Variants in PLXND1 observed in about 807,000 individuals in gnomAD.
PLXND1 encodes the protein plexin-D1.
Under a neutral mutation model 197.7 loss-of-function variants are expected in PLXND1, and 54 were observed. The observed-to-expected ratio is 0.27, with a 90% confidence interval of 0.22 to 0.34. PLXND1 has a LOEUF of 0.34. Among genes scored for constraint, PLXND1 ranks in the 10% least tolerant of loss-of-function variants. PLXND1 has a pLI of 1.00. For missense variants in PLXND1, 2,127 were observed against 2,699.2 expected, an observed-to-expected ratio of 0.79 and a Z score of 4.70; for synonymous variants, 1,180 against 1,161.2, an observed-to-expected ratio of 1.02 and a Z score of -0.33.
chr3:129,555,775 G>C lies in PLXND1; in HGVS notation c.*537C>G, dbSNP rs1198015425. The stretch of plus-strand genomic sequence containing the variant: ...ACAGCCGCCCAAGCAACAAAAATCT[G>C]ACACTACTTGAAACTGTCTGTGGCC... On this transcript the variant is annotated 3_prime_UTR_variant, in exon 36 of 36. Transcript: ENST00000324093. 2.1e-6 allele frequency: 1 copy of C among 470,620 alleles called. No homozygotes were observed. The highest frequency in any genetic ancestry group is 3.8e-5 in the East Asian group (1 of 26,106). 29.2% of individuals were successfully genotyped at this position (470,620 alleles called of 1,614,324 possible). A position where few individuals can be genotyped will look rare whatever the true frequency, so the allele number is the denominator to read the frequency against.
chr3:129,601,293 G>C (rs1872119), intron 1 of PLXND1, among the ~76,000 whole-genome samples: 134,496 of 152,162 alleles, frequency 0.88, 59,635 homozygotes, highest in Non-Finnish European at 0.91. Context: ...CTCTGCCTCT[G>C]GCCTCACACT....
chr3:129,566,964 C>T (rs1309611790), intron 22 of PLXND1, among the ~76,000 whole-genome samples: 1 of 152,182 alleles, frequency 6.6e-6, no homozygotes, highest in Non-Finnish European at 1.5e-5. Context: ...TGTAGTCAAA[C>T]ATGGGCTTGC....
In PLXND1 at chr3:129,561,754, TGGGGGCATGAGGGTGGGGAAATGGGGGC is replaced by T; in HGVS notation, c.4929+18_4929+45del. 1.9e-6 allele frequency: 1 copy of T among 535,890 alleles called. No homozygotes were observed. The highest frequency in any genetic ancestry group is 5.7e-5 in the African/African-American group (1 of 17,614). The allele number at this position is 535,890 out of a possible 1,614,324, so 33.2% of individuals were successfully genotyped here. On this transcript the variant is annotated intron_variant, in intron 28 of 35. Coordinates refer to ENST00000324093, the MANE Select transcript of PLXND1 (RefSeq NM_015103.3). ...CGAGGTCAGAGGCCGGAGGTTGGGG[TGGGGGCATGAGGGTGGGGAAATGGGGGC>T]GGGGGGCAGGGCTGCACCTTGTAAT...
rs561651742 is a variant in PLXND1 at position 129,562,411 on chromosome 3, G to T, written c.4825+376C>A. 5 of 235,988 alleles carry T rather than the reference G, an allele frequency of 2.1e-5. No homozygotes were observed. The South Asian group carries it at 2.3e-4, about 11-fold the overall frequency. 14.6% of individuals were successfully genotyped at this position (235,988 alleles called of 1,614,324 possible). A position where few individuals can be genotyped will look rare whatever the true frequency, so the allele number is the denominator to read the frequency against. On this transcript the variant is annotated intron_variant, in intron 27 of 35. Transcript: ENST00000324093. ...TGTAGTCCCAGCTACTCAGGAGGCT[G>T]AAATGAGGGGATCACTTGAGCCCAG...
rs200890421 is a variant in PLXND1, at chr3:129,571,134, C to T, written c.3506G>A (p.Arg1169His). ...CTGTGGGTTGGGGAGGTAGTCCAGG[C>T]GGAACCTGCTGCCCCGCTGTGCCTC... ...PEEAQRGSRF[R>H]LDYLPNPQFS... Residue 1169 changes from arginine (R) to histidine (H), a missense_variant, in exon 18 of 36, where the codon CGC becomes CAC. Arg to His is a conservative substitution (Grantham distance 29). Transcript: ENST00000324093. 58 of 1,614,188 alleles carry T rather than the reference C, an allele frequency of 3.6e-5. No homozygotes were observed. Among genetic ancestry groups the T allele is most frequent in the African/African-American group, 5.3e-5 (4 of 75,044 alleles).
chr3:129,574,585 G>A, intron 11 of PLXND1, 95 bp from the exon 12 acceptor site: 1 of 1,283,234 alleles, frequency 7.8e-7, no homozygotes, highest in Non-Finnish European at 1.1e-6. Flanking sequence ...CAAGAGGTCT[G>A]CGCCCCATCA....
At chr3:129,587,938 C>T (rs1414327502) in intron 2 of PLXND1, among the ~76,000 whole-genome samples, 6 of 150,460 alleles carry the variant, frequency 4.0e-5, no homozygotes, top group Non-Finnish European at 8.9e-5. Flanking sequence ...GGCCTCTTGG[C>T]GGAGCCTTGC....
rs2085013517 is a variant in PLXND1 at position 129,558,775 on chromosome 3, TG to T, written c.5298-201del. The stretch of plus-strand genomic sequence containing the variant: ...TGGGGCTGAGAGCCCGGTTTCCTGC[TG>T]GAGCAAGGCAGGAGCTACAGGGCTT... On this transcript the variant is annotated intron_variant, in intron 32 of 35. Coordinates refer to ENST00000324093, the MANE Select transcript of PLXND1 (RefSeq NM_015103.3). This position sits in a 1 kb window ranked among gnomAD's most constrained non-coding sequence, Gnocchi z 4.1. 1.7e-6 allele frequency: 1 copy of T among 573,274 alleles called. No homozygotes were observed. The highest frequency in any genetic ancestry group is 1.9e-5 in the African/African-American group (1 of 53,250). 35.5% of individuals were successfully genotyped at this position (573,274 alleles called of 1,614,324 possible).
Position 129,558,405 on chromosome 3 carries a change from GC to G in PLXND1, c.5445+22del. 6.2e-7 allele frequency: 1 copy of G among 1,610,264 alleles called. No homozygotes were observed. The highest frequency in any genetic ancestry group is 1.1e-5 in the South Asian group (1 of 90,982). On this transcript the variant is annotated intron_variant, in intron 33 of 35. Transcript: ENST00000324093. The surrounding 1 kb of genome is among the most constrained non-coding windows in gnomAD (Gnocchi z 4.1). ...CACTCTGGCCCTGTGCATGGGCCTGGCCTGGTCCTGGGAACAGCTGACCTTG... is the reference window on the plus strand; with the variant it reads ...CACTCTGGCCCTGTGCATGGGCCTGGCTGGTCCTGGGAACAGCTGACCTTG...
At position 129,605,796 on chromosome 3, in the gene PLXND1, C is replaced by A. The variant is rs760200531; in HGVS notation, c.844G>T (p.Ala282Ser). Residue 282 changes from alanine (A) to serine (S), a missense_variant, in exon 1 of 36, where the codon GCC becomes TCC. Ala to Ser is a moderately conservative substitution (Grantham distance 99). Around this residue, in one of 6 missense-constraint regions of PLXND1, gnomAD observed 1,095 missense variants for 1,259.8 expected, o/e 0.87. Coordinates refer to ENST00000324093, the MANE Select transcript of PLXND1 (RefSeq NM_015103.3). ...GGCGGGTCGGACGGGTGCAGGAAGG[C>A]GCTCACGAAGCCCAGCTTGTGCTGC... ...KEQHKLGFVS[A>S]FLHPSDPPPG... 1 of 1,597,380 alleles carries A rather than the reference C, an allele frequency of 6.3e-7. No individual in the cohort carries two copies. Among genetic ancestry groups the A allele is most frequent in the Non-Finnish European group, 8.5e-7 (1 of 1,172,826 alleles).
chr3:129,586,749 G>A, intron 2 of PLXND1, 30 bp from the exon 3 acceptor site: 2 of 1,593,016 alleles, frequency 1.3e-6, no homozygotes, highest in Non-Finnish European at 1.7e-6. Flanking sequence ...CAGGGTGCTG[G>A]AGCCCATAGC....
At position 129,555,333 on chromosome 3, in the gene PLXND1, C is replaced by T; in HGVS notation, c.*979G>A. 1.7e-6 allele frequency: 1 copy of T among 582,996 alleles called. No homozygotes were observed. Among genetic ancestry groups the T allele is most frequent in the Non-Finnish European group, 3.0e-6 (1 of 333,732 alleles). The allele number at this position is 582,996 out of a possible 1,614,324, so 36.1% of individuals were successfully genotyped here. ...GGCTGAGTTGGCTGCGAGGGGCCCG[C>T]ATGGCCCATCGGCCACAGAGGGTCG... is the stretch of plus-strand genomic sequence containing the variant. On this transcript the variant is annotated 3_prime_UTR_variant, in exon 36 of 36. Transcript: ENST00000324093.
At chr3:129,589,310 T>TGGGGGCCCCCCCCCCCC in intron 2 of PLXND1, 41 bp downstream of exon 2, 1 of 501,294 alleles carries the variant, frequency 2.0e-6, no homozygotes, top group Non-Finnish European at 3.8e-6. Context: ...CAGGGGAGCC[T>TGGGGGCCCCCCCCCCCC]CCCACCCCCA....
intron 8 of PLXND1, among the ~76,000 whole-genome samples, chr3:129,582,259 C>T (rs940368684): frequency 2.0e-5 from 3 of 152,290 alleles, no homozygotes; most frequent in Non-Finnish European, 2.9e-5. Context: ...TCCTTAGCAA[C>T]TGCCGGGGTA....
chr3:129,581,208 C>T (rs973597682), intron 8 of PLXND1, among the ~76,000 whole-genome samples: 6 of 152,224 alleles, frequency 3.9e-5, no homozygotes, highest in Admixed American at 1.3e-4. Flanking sequence ...GGCACCACTA[C>T]GACTAACTGG....
intron 32 of PLXND1, chr3:129,559,157 T>C (rs1578302498): frequency 6.4e-6 from 1 of 156,608 alleles, no homozygotes; most frequent in East Asian, 1.9e-4. Context: ...AGCAACTTCT[T>C]GTGGGGGTGC....
chr3:129,559,524 C>T, intron 32 of PLXND1, 96 bp downstream of exon 32: 1 of 971,168 alleles, frequency 1.0e-6, no homozygotes, highest in Non-Finnish European at 1.5e-6. Flanking sequence ...GAGGGCTTGA[C>T]CCCAAGCAGG....
chr3:129,597,884 T>C (rs1259738749), intron 1 of PLXND1, among the ~76,000 whole-genome samples: 1 of 152,212 alleles, frequency 6.6e-6, no homozygotes, highest in East Asian at 1.9e-4. Context: ...CTGGTTTCCA[T>C]GGCAATCCCC....
chr3:129,569,832 G>A lies in PLXND1; in HGVS notation c.3865+11C>T, dbSNP rs768817414. ...TGCCCTCCAAGGTGTCCTGAGGGTG[G>A]GGCTCCTTACCCACCACGGAGAGCA... On this transcript the variant is annotated intron_variant, in intron 20 of 35. Coordinates refer to ENST00000324093, the MANE Select transcript of PLXND1 (RefSeq NM_015103.3). The A allele has an allele frequency of 5.9e-6, 9 of 1,513,110 alleles. No homozygotes were observed. In the Admixed American group the frequency reaches 1.5e-4, roughly 25 times the overall value. 93.7% of individuals were successfully genotyped at this position (1,513,110 alleles called of 1,614,324 possible).
Sources: allele counts gnomAD v4.1 joint callset (sites outside exome capture counted in the v4.1 genomes callset), GRCh38; gene constraint gnomAD v4.1.1; regional missense constraint gnomAD v4.1.1; non-coding constraint Gnocchi (gnomAD v3.1); transcripts MANE v1.5; gene names NCBI Gene and HGNC (gene_info 2026-07-23, HGNC 2026-07-21).